The following CEP15 variants were observed in gnomAD, a reference collection of about 807,000 sequenced individuals.
CEP15 encodes centrosomal protein 15 kDa.
the CEP15 span, among the ~76,000 whole-genome samples, chr3:62,329,394 T>C: frequency 6.6e-6 from 1 of 152,086 alleles, no homozygotes; most frequent in Non-Finnish European, 1.5e-5. Context: ...TAAAGCTAGA[T>C]AGACCACAGT....
chr3:62,329,598 G>A, the CEP15 span, among the ~76,000 whole-genome samples: 1 of 152,208 alleles, frequency 6.6e-6, no homozygotes, highest in Non-Finnish European at 1.5e-5. Context: ...ATCATTTATA[G>A]TCAGAATGCT....
chr3:62,328,208 T>C, the CEP15 span, among the ~76,000 whole-genome samples: 3 of 152,216 alleles, frequency 2.0e-5, no homozygotes, highest in Non-Finnish European at 4.4e-5. Flanking sequence ...TCCAATTCAA[T>C]TGCACGATTG....
At chr3:62,327,575 CG>C in the CEP15 span, among the ~76,000 whole-genome samples, 64 of 152,222 alleles carry the variant, frequency 4.2e-4, 1 homozygote, top group Non-Finnish European at 6.2e-4. Flanking sequence ...CATTTTGGAA[CG>C]TTGGCAGTCA....
chr3:62,331,415 A>G, the CEP15 span: 23 of 1,606,562 alleles, frequency 1.4e-5, no homozygotes, highest in South Asian at 2.4e-4. Flanking sequence ...CATCTTAAGG[A>G]ACAAATGTAA....
At chr3:62,332,350 C>T in the CEP15 span, among the ~76,000 whole-genome samples, 1 of 152,082 alleles carries the variant, frequency 6.6e-6, no homozygotes, top group Non-Finnish European at 1.5e-5. Flanking sequence ...CATATAGAAT[C>T]CCTCACCATT....
At chr3:62,325,744 G>A in the CEP15 span, among the ~76,000 whole-genome samples, 1 of 152,158 alleles carries the variant, frequency 6.6e-6, no homozygotes, top group African/African-American at 2.4e-5. Flanking sequence ...AGGCAATTGT[G>A]TAAGTAGGGC....
chr3:62,323,069 A>G, the CEP15 span, among the ~76,000 whole-genome samples: 1 of 152,224 alleles, frequency 6.6e-6, no homozygotes, highest in African/African-American at 2.4e-5. Context: ...CTTAATTGCT[A>G]CCTACCTGCA....
the CEP15 span, chr3:62,335,566 T>C: frequency 6.6e-6 from 1 of 152,144 alleles, no homozygotes; most frequent in Non-Finnish European, 1.5e-5. Flanking sequence ...CATTGTTTTC[T>C]GTTAAGAAGG....
At chr3:62,321,962 T>A in the CEP15 span, 2 of 1,605,750 alleles carry the variant, frequency 1.2e-6, no homozygotes, top group South Asian at 2.2e-5. The surrounding 1 kb of genome is among the most constrained non-coding windows in gnomAD (Gnocchi z 4.1). Context: ...CTTCAACAAA[T>A]GGAGAATAAA....
the CEP15 span, among the ~76,000 whole-genome samples, chr3:62,332,231 C>G: frequency 6.6e-6 from 1 of 152,146 alleles, no homozygotes; most frequent in African/African-American, 2.4e-5. Flanking sequence ...GGGAAACTCC[C>G]AACCACGGGC....
chr3:62,322,215 C>A, the CEP15 span: 1 of 636,242 alleles, frequency 1.6e-6, no homozygotes, highest in Non-Finnish European at 2.6e-6. This position sits in a 1 kb window ranked among gnomAD's most constrained non-coding sequence, Gnocchi z 5.5. Context: ...AGATAAGTAG[C>A]ATATGTATCC....
the CEP15 span, chr3:62,334,338 T>C: frequency 6.6e-6 from 1 of 152,090 alleles, no homozygotes; most frequent in Non-Finnish European, 1.5e-5. The surrounding 1 kb of genome is among the most constrained non-coding windows in gnomAD (Gnocchi z 4.9). Flanking sequence ...TGAAATGTTT[T>C]AAATTTCAAA....
chr3:62,331,107 C>T, the CEP15 span, among the ~76,000 whole-genome samples: 1 of 152,060 alleles, frequency 6.6e-6, no homozygotes, highest in Non-Finnish European at 1.5e-5. Context: ...GAAGTACCAC[C>T]TCCCCCACCC....
the CEP15 span, among the ~76,000 whole-genome samples, chr3:62,325,341 G>T: frequency 6.6e-6 from 1 of 152,130 alleles, no homozygotes; most frequent in Admixed American, 6.5e-5. Flanking sequence ...AACAGAATTT[G>T]CCTTGAACTC....
the CEP15 span, among the ~76,000 whole-genome samples, chr3:62,325,828 A>G: frequency 2.6e-5 from 4 of 152,116 alleles, no homozygotes; most frequent in Non-Finnish European, 5.9e-5. Context: ...GATCAAGACC[A>G]TCCTGGCCAA....
the CEP15 span, among the ~76,000 whole-genome samples, chr3:62,327,214 A>G: frequency 6.6e-6 from 1 of 152,218 alleles, no homozygotes; most frequent in Admixed American, 6.5e-5. Context: ...AAATTGATCT[A>G]GAGCTGTGCT....
the CEP15 span, chr3:62,322,201 A>G: frequency 1.3e-6 from 1 of 774,376 alleles, no homozygotes; most frequent in Non-Finnish European, 2.1e-6. The surrounding 1 kb of genome is among the most constrained non-coding windows in gnomAD (Gnocchi z 5.5). Flanking sequence ...AGCCCATGTC[A>G]GTTAGATAAG....
chr3:62,329,719 T>A, the CEP15 span, among the ~76,000 whole-genome samples: 2 of 152,210 alleles, frequency 1.3e-5, no homozygotes, highest in Non-Finnish European at 2.9e-5. Context: ...AGAGAGATAA[T>A]AAGTATCCTT....
the CEP15 span, chr3:62,321,963 G>A: frequency 5.0e-6 from 8 of 1,604,896 alleles, no homozygotes; most frequent in Non-Finnish European, 6.8e-6. The surrounding 1 kb of genome is among the most constrained non-coding windows in gnomAD (Gnocchi z 4.1). Context: ...TTCAACAAAT[G>A]GAGAATAAAT....
Sources: allele counts gnomAD v4.1 joint callset (sites outside exome capture counted in the v4.1 genomes callset), GRCh38; gene constraint gnomAD v4.1.1; non-coding constraint Gnocchi (gnomAD v3.1); transcripts MANE v1.5; gene names NCBI Gene and HGNC (gene_info 2026-07-23, HGNC 2026-07-21).